ANO10: variants seen among roughly 807,000 people sequenced by gnomAD.
The protein encoded by ANO10 is anoctamin-10.
A neutral mutation model predicts 74.7 loss-of-function variants in ANO10; 77 were observed. The ratio of observed to expected loss-of-function variants is 1.03; its 90% CI spans 0.86 to 1.25. The LOEUF is 1.25. Among genes scored for constraint, ANO10 ranks in the 50% most tolerant of loss-of-function variants. ANO10 has a pLI of 0.00. For synonymous variants in ANO10, 279 were observed against 284.9 expected (o/e 0.98, Z 0.21); for missense variants, 721 against 778.1 (o/e 0.93, Z 0.87).
intron 8 of ANO10, among the ~76,000 whole-genome samples, chr3:43,563,144 A>G (rs974108436): frequency 1.3e-5 from 2 of 152,236 alleles, no homozygotes; most frequent in African/African-American, 4.8e-5. Context: ...TAATCCCATT[A>G]AAGTAGGCAA....
intron 11 of ANO10, among the ~76,000 whole-genome samples, chr3:43,513,414 T>C (rs932842658): frequency 3.9e-5 from 6 of 152,228 alleles, no homozygotes; most frequent in African/African-American, 1.4e-4. Flanking sequence ...CTATAAACCC[T>C]AAAGTAACCA....
At chr3:43,401,173 G>T (rs2092474378) in intron 12 of ANO10, among the ~76,000 whole-genome samples, 1 of 152,012 alleles carries the variant, frequency 6.6e-6, no homozygotes, top group South Asian at 2.1e-4. Flanking sequence ...TTTATTTCCT[G>T]TATCTTTTTT....
rs147342385 is a variant in ANO10 at position 43,499,974 on chromosome 3, G to C, written c.1797+49746C>G. Among the ~76,000 whole-genome samples the C allele has an allele frequency of 2.6e-5, 4 of 152,086 alleles. No homozygotes were observed. The East Asian group carries it at 7.8e-4, about 30-fold the overall frequency. On this transcript the variant is annotated intron_variant, in intron 11 of 12. Transcript: ENST00000292246. ...AGCCTCCTGAGTAGCTGGGACTACA[G>C]GTGCATGCCACCACACCTAGCTGTT...
chr3:43,577,643 C>T (rs561598434), intron 5 of ANO10, among the ~76,000 whole-genome samples: 1 of 152,292 alleles, frequency 6.6e-6, no homozygotes, highest in African/African-American at 2.4e-5. Flanking sequence ...TTAATTTATG[C>T]TCCCCACTTT....
intron 11 of ANO10, among the ~76,000 whole-genome samples, chr3:43,483,705 T>C (rs1453099156): frequency 6.6e-6 from 1 of 152,198 alleles, no homozygotes; most frequent in Non-Finnish European, 1.5e-5. Flanking sequence ...GTTGGGTTAG[T>C]TTGGTTTTAT....
chr3:43,634,882 T>G (rs985269586), intron 1 of ANO10, among the ~76,000 whole-genome samples: 1 of 152,128 alleles, frequency 6.6e-6, no homozygotes, highest in African/African-American at 2.4e-5. Context: ...GTATGTGAGC[T>G]GGTCTGATGA....
intron 12 of ANO10, among the ~76,000 whole-genome samples, chr3:43,408,449 T>A (rs991643571): frequency 6.6e-6 from 1 of 152,196 alleles, no homozygotes; most frequent in Non-Finnish European, 1.5e-5. Flanking sequence ...AAAATGGGTT[T>A]TTCAACTTAG....
intron 11 of ANO10, among the ~76,000 whole-genome samples, chr3:43,496,001 A>G (rs1363872009): frequency 6.6e-6 from 1 of 152,138 alleles, no homozygotes; most frequent in Non-Finnish European, 1.5e-5. Flanking sequence ...ACGTCTGGCC[A>G]GGAAAAATAT....
chr3:43,630,548 A>G (rs1362119574), intron 1 of ANO10, among the ~76,000 whole-genome samples: 1 of 152,304 alleles, frequency 6.6e-6, no homozygotes, highest in Non-Finnish European at 1.5e-5. Flanking sequence ...ATAACCTCCT[A>G]TGAGTATATA....
At chr3:43,614,771 CTATATATATATATATATATA>C (rs61084802) in intron 1 of ANO10, among the ~76,000 whole-genome samples, 3 of 52,702 alleles carry the variant, frequency 5.7e-5, no homozygotes, top group East Asian at 1.3e-3. Context: ...GAAAACTAAA[CTATATATATATATATATATA>C]TATATATATA....
chr3:43,622,303 T>C (rs966274794), upstream of ANO10, among the ~76,000 whole-genome samples: 3 of 151,818 alleles, frequency 2.0e-5, no homozygotes, highest in Non-Finnish European at 4.4e-5. Flanking sequence ...GTACCACCCA[T>C]CGAAATCCGG....
intron 11 of ANO10, among the ~76,000 whole-genome samples, chr3:43,522,152 T>C (rs1410851051): frequency 6.6e-6 from 1 of 151,756 alleles, no homozygotes; most frequent in Non-Finnish European, 1.5e-5. Flanking sequence ...AAGGGGGAAA[T>C]GGAGAGTCAT....
At chr3:43,564,891 A>G in intron 8 of ANO10, among the ~76,000 whole-genome samples, 1 of 152,170 alleles carries the variant, frequency 6.6e-6, no homozygotes, top group East Asian at 1.9e-4. Flanking sequence ...TAAGTAAAGG[A>G]GACTCTCTAA....
chr3:43,425,579 C>T lies in ANO10; in HGVS notation c.1914+7032G>A, dbSNP rs543885141. 2.0e-4 allele frequency among the ~76,000 whole-genome samples: 30 copies of T among 152,126 alleles called. No individual in the cohort carries two copies. In the South Asian group the frequency reaches 6.0e-3, roughly 31 times the overall value. ...CAGCCATGACAGGGAGGTTGGCAGG[C>T]CTCATTATACATTCTCCCTTTTGGA... On this transcript the variant is annotated intron_variant, in intron 12 of 12. Coordinates refer to ENST00000292246, the MANE Select transcript of ANO10 (RefSeq NM_018075.5).
chr3:43,417,199 T>C, intron 12 of ANO10, among the ~76,000 whole-genome samples: 1 of 152,194 alleles, frequency 6.6e-6, no homozygotes, highest in East Asian at 1.9e-4. Context: ...AGCTGGGAAC[T>C]TGCACGGGTG....
At chr3:43,530,897 T>C (rs2078438887) in intron 11 of ANO10, among the ~76,000 whole-genome samples, 1 of 152,182 alleles carries the variant, frequency 6.6e-6, no homozygotes, top group Non-Finnish European at 1.5e-5. Context: ...TGTGTATGTG[T>C]GTGTGTACAA....
chr3:43,643,623 T>A (rs1345018790), intron 1 of ANO10, among the ~76,000 whole-genome samples: 1 of 151,856 alleles, frequency 6.6e-6, no homozygotes, highest in Non-Finnish European at 1.5e-5. Context: ...CCCATATTTT[T>A]ATGCAATTTT....
intron 11 of ANO10, chr3:43,484,946 G>A (rs1370822484): frequency 4.1e-6 from 4 of 966,976 alleles, no homozygotes; most frequent in Admixed American, 5.1e-5. Context: ...GTTTATTTGG[G>A]GCCCACCCAG....
chr3:43,531,336 T>C (rs17075776), intron 11 of ANO10, among the ~76,000 whole-genome samples: 3,756 of 152,324 alleles, frequency 0.025, 152 homozygotes, highest in African/African-American at 0.084. Flanking sequence ...CTATGTCATC[T>C]TAATAGTGGC....
Sources: allele counts gnomAD v4.1 joint callset (sites outside exome capture counted in the v4.1 genomes callset), GRCh38; gene constraint gnomAD v4.1.1; transcripts MANE v1.5; gene names NCBI Gene and HGNC (gene_info 2026-07-23, HGNC 2026-07-21).